Variants in ZRANB3 observed in about 807,000 individuals in gnomAD.
ZRANB3 encodes zinc finger RANBP2-type containing 3.
In ZRANB3, 125 loss-of-function variants were observed where a neutral mutation model predicts 133.8. The observed-to-expected ratio is 0.93, with a 90% confidence interval of 0.81 to 1.08. The LOEUF is 1.08. Among genes scored for constraint, ZRANB3 ranks in the 50% least tolerant of loss-of-function variants. ZRANB3 has a pLI of 0.00. For synonymous variants in ZRANB3, 387 were observed against 432.7 expected (o/e 0.89, Z 1.31); for missense variants, 1,229 against 1,275.5 (o/e 0.96, Z 0.56).
chr2:135,478,381 AG>A (rs1691596495), intron 2 of ZRANB3, among the ~76,000 whole-genome samples: 1 of 152,088 alleles, frequency 6.6e-6, no homozygotes, highest in Non-Finnish European at 1.5e-5. Context: ...GAATATTATC[AG>A]CACCCCCCCG....
At chr2:135,333,307 G>A (rs1288963894) in intron 6 of ZRANB3, among the ~76,000 whole-genome samples, 1 of 151,682 alleles carries the variant, frequency 6.6e-6, no homozygotes, top group African/African-American at 2.4e-5. Context: ...TATTTCCAAT[G>A]ATACAATGAC....
At chr2:135,214,897 C>T (rs539878058) in intron 17 of ZRANB3, among the ~76,000 whole-genome samples, 4 of 152,198 alleles carry the variant, frequency 2.6e-5, no homozygotes, top group Non-Finnish European at 5.9e-5. Flanking sequence ...CATTAATTTA[C>T]TGTACTCATA....
chr2:135,376,131 T>C (rs1392411012), intron 3 of ZRANB3, among the ~76,000 whole-genome samples: 1 of 152,090 alleles, frequency 6.6e-6, no homozygotes, highest in African/African-American at 2.4e-5. Flanking sequence ...CATCTACAAA[T>C]CAAGGATTGC....
chr2:135,349,487 T>C (rs974165978), intron 5 of ZRANB3, among the ~76,000 whole-genome samples: 15 of 152,222 alleles, frequency 9.9e-5, no homozygotes, highest in Non-Finnish European at 4.4e-5. Context: ...ACACATGCCT[T>C]ATTCTTTCAT....
intron 2 of ZRANB3, among the ~76,000 whole-genome samples, chr2:135,416,793 G>T (rs1688594877): frequency 6.6e-6 from 1 of 152,158 alleles, no homozygotes; most frequent in South Asian, 2.1e-4. Flanking sequence ...AGAGCCCTCA[G>T]AAATAACGCC....
chr2:135,263,663 T>A (rs1680076161), intron 12 of ZRANB3, among the ~76,000 whole-genome samples: 1 of 152,088 alleles, frequency 6.6e-6, no homozygotes, highest in Admixed American at 6.5e-5. Context: ...TGTGTTTTTT[T>A]AAAAAGGAGC....
Position 135,271,800 on chromosome 2 carries a change from C to G in ZRANB3, c.1174G>C (p.Val392Leu), listed in dbSNP as rs768567355. 2 of 1,613,628 alleles carry G rather than the reference C, an allele frequency of 1.2e-6. No individual in the cohort carries two copies. The highest frequency in any genetic ancestry group is 2.2e-5 in the South Asian group (2 of 90,992). ...GCAGCCTGAATGCTTAGGATAGCCA[C>G]GCGAGTGTCAGGATCCTTTTGAAAC... Reference protein sequence around the residue: ...NQFQKDPDTRVAILSIQAAGQ... With the variant: ...NQFQKDPDTRLAILSIQAAGQ... The change falls in exon 10 of 21, where the codon GTG (valine) becomes CTG (leucine). Residue 392 changes from valine to leucine, a missense_variant. By Grantham distance (32) the Val-to-Leu change is conservative (BLOSUM62 1). Coordinates refer to ENST00000264159, the MANE Select transcript of ZRANB3 (RefSeq NM_032143.4).
intron 2 of ZRANB3, among the ~76,000 whole-genome samples, chr2:135,453,707 C>A (rs1690374215): frequency 6.6e-6 from 1 of 152,174 alleles, no homozygotes; most frequent in African/African-American, 2.4e-5. Flanking sequence ...CAGCCTGGAT[C>A]TTATTGTTCA....
intron 5 of ZRANB3, among the ~76,000 whole-genome samples, chr2:135,347,587 T>A (rs2104869230): frequency 6.6e-6 from 1 of 152,362 alleles, no homozygotes; most frequent in Middle Eastern, 3.4e-3. Flanking sequence ...CGGCCTGTTT[T>A]CAGTTCTCTT....
intron 10 of ZRANB3, among the ~76,000 whole-genome samples, chr2:135,270,222 AAGT>A (rs1299136418): frequency 1.3e-5 from 2 of 152,186 alleles, no homozygotes; most frequent in African/African-American, 2.4e-5. Flanking sequence ...AAAAAATAAA[AAGT>A]AGTATTTAAG....
intron 6 of ZRANB3, among the ~76,000 whole-genome samples, chr2:135,321,588 C>T (rs1411045851): frequency 6.6e-6 from 1 of 151,824 alleles, no homozygotes; most frequent in Non-Finnish European, 1.5e-5. Flanking sequence ...ATTCTCCTGC[C>T]TCAGCCTCCT....
At chr2:135,385,276 A>G (rs1372811290) in intron 3 of ZRANB3, among the ~76,000 whole-genome samples, 1 of 152,174 alleles carries the variant, frequency 6.6e-6, no homozygotes, top group African/African-American at 2.4e-5. Flanking sequence ...TAGGAATCCA[A>G]CTTACAAGGG....
chr2:135,286,754 A>G (rs1288963621), intron 8 of ZRANB3, among the ~76,000 whole-genome samples: 2 of 151,662 alleles, frequency 1.3e-5, no homozygotes, highest in Non-Finnish European at 2.9e-5. Context: ...CCACTTTTTG[A>G]TGGGATTATT....
chr2:135,239,490 T>A (rs1441927277), intron 12 of ZRANB3, among the ~76,000 whole-genome samples: 1 of 151,960 alleles, frequency 6.6e-6, no homozygotes, highest in Non-Finnish European at 1.5e-5. Context: ...TTAAAACATG[T>A]TATCATAGGG....
intron 1 of ZRANB3, among the ~76,000 whole-genome samples, 153 bp downstream of exon 1, chr2:135,530,974 C>G (rs1448630719): frequency 1.3e-5 from 2 of 152,142 alleles, no homozygotes; most frequent in East Asian, 1.9e-4. Context: ...CTGGAGAAAC[C>G]AGGTGTTCGT....
At chr2:135,296,578 C>T (rs1682119507) in intron 8 of ZRANB3, among the ~76,000 whole-genome samples, 1 of 152,284 alleles carries the variant, frequency 6.6e-6, no homozygotes, top group South Asian at 2.1e-4. Flanking sequence ...CTTCTCTCAA[C>T]TCGTCAAAGT....
At chr2:135,396,039 A>T (rs936409686) in intron 2 of ZRANB3, among the ~76,000 whole-genome samples, 3 of 152,218 alleles carry the variant, frequency 2.0e-5, no homozygotes, top group South Asian at 2.1e-4. Context: ...TCAAAGGAAG[A>T]CATACAAAGG....
rs774888563 is a variant in ZRANB3 at position 135,350,065 on chromosome 2, G to A, written c.510C>T (p.Ser170=). 3 of 1,613,744 alleles carry A rather than the reference G, an allele frequency of 1.9e-6. No individual in the cohort carries two copies. The highest frequency in any genetic ancestry group is 1.7e-5 in the Admixed American group (1 of 60,008). Reference sequence around the variant, plus strand: ...TCTGTACTATTGGCAATAAAATCCTGCTGCGAGTTGCATTTCTGGATTTCA... The same window carrying A: ...TCTGTACTATTGGCAATAAAATCCTACTGCGAGTTGCATTTCTGGATTTCA... The part of the protein sequence containing the change: ...HYMKSRNATR[S]RILLPIVQKA... The change falls in exon 5 of 21, where the codon AGC becomes AGT. Residue 170 remains serine, a synonymous_variant. Coordinates refer to ENST00000264159, the MANE Select transcript of ZRANB3 (RefSeq NM_032143.4).
At chr2:135,326,973 A>G (rs1382665595) in intron 6 of ZRANB3, among the ~76,000 whole-genome samples, 1 of 151,992 alleles carries the variant, frequency 6.6e-6, no homozygotes, top group Non-Finnish European at 1.5e-5. Context: ...TTTTATAGAT[A>G]AAATACAATC....
Sources: gnomAD v4.1 joint callset for allele counts (sites outside exome capture counted in the v4.1 genomes callset) on GRCh38, gnomAD v4.1.1 for gene constraint, MANE v1.5 for transcripts, NCBI Gene and HGNC (gene_info 2026-07-23, HGNC 2026-07-21) for gene names.